PDE3B: variants seen among roughly 807,000 people sequenced by gnomAD.
The protein encoded by PDE3B is phosphodiesterase 3B, also known as cGMP-inhibited 3',5'-cyclic phosphodiesterase 3B.
A neutral mutation model predicts 116.8 loss-of-function variants in PDE3B; 66 were observed. That is an observed-to-expected ratio of 0.56 (90% CI 0.46 to 0.69). PDE3B has a LOEUF of 0.69. Among genes scored for constraint, PDE3B ranks in the 30% least tolerant of loss-of-function variants. The probability of loss-of-function intolerance (pLI) is 0.00; values close to 1 mark genes in which losing one functional copy is unlikely to be tolerated. For synonymous variants in PDE3B, 595 were observed against 533.6 expected, an observed-to-expected ratio of 1.12 and a Z score of -1.59; for missense variants, 1,384 against 1,368.1, an observed-to-expected ratio of 1.01 and a Z score of -0.18.
At chr11:14,658,765 G>A (rs1050473401) in intron 1 of PDE3B, among the ~76,000 whole-genome samples, 1 of 152,174 alleles carries the variant, frequency 6.6e-6, no homozygotes, top group African/African-American at 2.4e-5. Context: ...ACAAAATCAA[G>A]TCACTTATTT....
chr11:14,859,380 T>C, intron 13 of PDE3B, 134 bp downstream of exon 13: 3 of 507,474 alleles, frequency 5.9e-6, no homozygotes, highest in Non-Finnish European at 3.4e-6. Flanking sequence ...TAAAATAATA[T>C]ATATGCCTAT....
At chr11:14,746,181 G>A (rs1185924295) in intron 1 of PDE3B, among the ~76,000 whole-genome samples, 1 of 152,152 alleles carries the variant, frequency 6.6e-6, no homozygotes, top group East Asian at 1.9e-4. Context: ...ATCACTTAAG[G>A]TCAGGAGTTC....
intron 2 of PDE3B, among the ~76,000 whole-genome samples, chr11:14,785,672 C>T (rs1376265447): frequency 2.0e-5 from 3 of 151,936 alleles, no homozygotes; most frequent in Admixed American, 6.6e-5. Flanking sequence ...TAAAAATCAT[C>T]TCATGTTTAC....
rs1853284020 is a variant in PDE3B, at chr11:14,644,127, G to C, written c.52G>C (p.Asp18His). 1 of 1,584,484 alleles carries C rather than the reference G, an allele frequency of 6.3e-7. No homozygotes were observed. Among genetic ancestry groups the C allele is most frequent in the African/African-American group, 1.4e-5 (1 of 73,586 alleles). ...AGCCATGCGGTCCCTGCAGCCGCCG[G>C]ATGGGGCCGGCTCGCCCCCCGAGAG... ...AKAMRSLQPPDGAGSPPESLR... is the reference protein window; with the variant it reads ...AKAMRSLQPPHGAGSPPESLR... The change falls in exon 1 of 16, where the codon GAT (aspartate) becomes CAT (histidine). Residue 18 changes from aspartate (D) to histidine (H), a missense_variant. Around this residue, in one of 2 missense-constraint regions of PDE3B, gnomAD observed 956 missense variants for 806.8 expected, o/e 1.18. Coordinates refer to ENST00000282096, the MANE Select transcript of PDE3B (RefSeq NM_000922.4).
intron 1 of PDE3B, among the ~76,000 whole-genome samples, chr11:14,713,696 ACAC>A (rs1855777683): frequency 5.5e-5 from 1 of 18,154 alleles, no homozygotes; most frequent in Non-Finnish European, 9.8e-5. Flanking sequence ...AAAAATCTTT[ACAC>A]ACACACACAC....
At chr11:14,827,283 A>C (rs965307753) in intron 7 of PDE3B, among the ~76,000 whole-genome samples, 2 of 151,918 alleles carry the variant, frequency 1.3e-5, no homozygotes, top group African/African-American at 4.8e-5. Context: ...CTCTCTCACC[A>C]CTCCTATTTA....
At chr11:14,769,488 A>G (rs1325932814) in intron 1 of PDE3B, among the ~76,000 whole-genome samples, 1 of 150,754 alleles carries the variant, frequency 6.6e-6, no homozygotes, top group Non-Finnish European at 1.5e-5. Flanking sequence ...GCATTAGAGA[A>G]CTTTCACAAA....
intron 12 of PDE3B, among the ~76,000 whole-genome samples, chr11:14,848,820 C>T (rs1847672419): frequency 6.6e-6 from 1 of 152,158 alleles, no homozygotes. Context: ...CTACAAACCA[C>T]TGCTCAATGA....
intron 1 of PDE3B, among the ~76,000 whole-genome samples, chr11:14,670,800 T>A (rs1465668968): frequency 6.6e-6 from 1 of 152,182 alleles, no homozygotes; most frequent in African/African-American, 2.4e-5. Context: ...TCTGTTCCTG[T>A]TGACAATTTC....
intron 1 of PDE3B, among the ~76,000 whole-genome samples, chr11:14,724,119 G>A (rs1293049456): frequency 6.6e-6 from 1 of 151,404 alleles, no homozygotes; most frequent in Non-Finnish European, 1.5e-5. Flanking sequence ...CTAAGGTATT[G>A]GCAAAAGTTT....
At chr11:14,716,289 AT>A (rs1403275457) in intron 1 of PDE3B, among the ~76,000 whole-genome samples, 2 of 152,152 alleles carry the variant, frequency 1.3e-5, no homozygotes, top group Non-Finnish European at 2.9e-5. Flanking sequence ...AATCTCGCTG[AT>A]TGCTAGCACA....
At chr11:14,843,709 T>C (rs1270668777) in intron 11 of PDE3B, 118 bp from the exon 12 acceptor site, 3 of 734,706 alleles carry the variant, frequency 4.1e-6, no homozygotes. Context: ...TTTTAGTTCT[T>C]ACTTAAATCA....
At chr11:14,673,508 C>G (rs139494889) in intron 1 of PDE3B, 1 of 344,898 alleles carries the variant, frequency 2.9e-6, no homozygotes, top group Non-Finnish European at 5.9e-6. Context: ...CAAAGCACAT[C>G]GTTTGTACAA....
chr11:14,867,696 A>G lies in PDE3B; in HGVS notation c.3077A>G (p.Asp1026Gly). The change falls in exon 15 of 16, where the codon GAT becomes GGT. Residue 1026 changes from aspartate to glycine, a missense_variant. This residue lies in a region of PDE3B where 428 missense variants were observed against 561.4 expected (regional missense o/e 0.76). Coordinates refer to ENST00000282096, the MANE Select transcript of PDE3B (RefSeq NM_000922.4). ...GAGGATAATGATACTGAAAGTGGTGATGATGAAGACGGTGAAGAATTAGAT... is the reference window on the plus strand; with the variant it reads ...GAGGATAATGATACTGAAAGTGGTGGTGATGAAGACGGTGAAGAATTAGAT... ...AEEDNDTESG[D>G]DEDGEELDTE... The G allele has an allele frequency of 6.2e-7, 1 of 1,613,648 alleles. No individual in the cohort carries two copies. The highest frequency in any genetic ancestry group is 8.5e-7 in the Non-Finnish European group (1 of 1,179,530).
At chr11:14,780,197 C>T (rs867582806) in intron 2 of PDE3B, among the ~76,000 whole-genome samples, 18 of 152,262 alleles carry the variant, frequency 1.2e-4, no homozygotes, top group African/African-American at 4.3e-4. Context: ...GAGACTTAGA[C>T]TCCCACACAA....
intron 1 of PDE3B, among the ~76,000 whole-genome samples, chr11:14,696,332 C>T (rs185661051): frequency 6.6e-6 from 1 of 152,132 alleles, no homozygotes; most frequent in African/African-American, 2.4e-5. Context: ...CTGTTCATAT[C>T]CTTTGTAGGG....
intron 1 of PDE3B, among the ~76,000 whole-genome samples, chr11:14,716,675 G>GT (rs1855910734): frequency 1.7e-5 from 1 of 60,052 alleles, no homozygotes; most frequent in African/African-American, 6.6e-5. Flanking sequence ...CACCTCACAC[G>GT]GCAGGGTATT....
intron 1 of PDE3B, among the ~76,000 whole-genome samples, chr11:14,657,400 A>C (rs565903363): frequency 6.6e-6 from 1 of 152,324 alleles, no homozygotes; most frequent in East Asian, 1.9e-4. Context: ...TTACTGCTTC[A>C]ATGTAACACT....
In PDE3B at chr11:14,694,814, A is replaced by G. The variant is rs191553806; in HGVS notation, c.978+49761A>G. On this transcript the variant is annotated intron_variant, in intron 1 of 15. Transcript: ENST00000282096. The stretch of plus-strand genomic sequence containing the variant: ...CCAAATAAGTTATAATCCTCTATTA[A>G]ATACCTTTCTTTTCTGTAGATACCT... 5.9e-3 allele frequency among the ~76,000 whole-genome samples: 904 copies of G among 152,022 alleles called. 4 individuals are homozygous for G. Among genetic ancestry groups the G allele is most frequent in the Non-Finnish European group, 0.011 (735 of 68,006 alleles).
Sources: gnomAD v4.1 joint callset for allele counts (sites outside exome capture counted in the v4.1 genomes callset) on GRCh38, gnomAD v4.1.1 for gene constraint, gnomAD v4.1.1 regional missense constraint, MANE v1.5 for transcripts, NCBI Gene and HGNC (gene_info 2026-07-23, HGNC 2026-07-21) for gene names.